SUSD4: variants seen among roughly 807,000 people sequenced by gnomAD.
SUSD4 encodes sushi domain-containing protein 4.
A neutral mutation model predicts 50.5 loss-of-function variants in SUSD4; 41 were observed. The ratio of observed to expected loss-of-function variants is 0.81; its 90% CI spans 0.63 to 1.05. The LOEUF (loss-of-function observed/expected upper bound fraction) is 1.05. Ranked by LOEUF, SUSD4 falls within the 50% of genes least tolerant of loss-of-function variation. SUSD4 has a pLI of 0.00. For synonymous variants in SUSD4, 257 were observed against 257.3 expected (o/e 1.00, Z 0.01); for missense variants, 580 against 634.7 (o/e 0.91, Z 0.93).
rs572745274 is a variant in SUSD4, at chr1:223,336,703, CT to C, written c.148+26574del. On this transcript the variant is annotated intron_variant, in intron 2 of 8. Transcript: ENST00000366878. ...GTGACTGTAACAGAGAGCTTTAATC[CT>C]TTTTTTTTTAAGGGACTTGACAAAA... 2.6e-3 allele frequency among the ~76,000 whole-genome samples: 380 copies of C among 148,164 alleles called. 2 individuals are homozygous for C. The highest frequency in any genetic ancestry group is 0.021 in the Middle Eastern group (6 of 284).
rs372245862 is a variant in SUSD4, at chr1:223,222,160, G to A, written c.*32C>T. The A allele has an allele frequency of 2.0e-5, 33 of 1,610,582 alleles. No homozygotes were observed. In the African/African-American group the frequency reaches 3.3e-4, roughly 16 times the overall value. ...AAGATACAAGGTCCTTTCCCCGAAGGAGCAGGAGAGTCATCTGGATCTTGA... is the reference window on the plus strand; with the variant it reads ...AAGATACAAGGTCCTTTCCCCGAAGAAGCAGGAGAGTCATCTGGATCTTGA... On this transcript the variant is annotated 3_prime_UTR_variant, in exon 9 of 9. Coordinates refer to ENST00000366878, the MANE Select transcript of SUSD4 (RefSeq NM_017982.4).
chr1:223,337,236 T>C (rs1667506144), intron 2 of SUSD4, among the ~76,000 whole-genome samples: 1 of 152,208 alleles, frequency 6.6e-6, no homozygotes. Context: ...AATGCCACCT[T>C]GCAGAGCTCA....
chr1:223,336,140 T>C (rs1185098498), intron 2 of SUSD4, among the ~76,000 whole-genome samples: 2 of 152,124 alleles, frequency 1.3e-5, no homozygotes, highest in African/African-American at 4.8e-5. Flanking sequence ...TTTTAGTAGA[T>C]ACGGGGTTTC....
At chr1:223,324,474 G>A (rs1315334281) in intron 2 of SUSD4, among the ~76,000 whole-genome samples, 2 of 151,658 alleles carry the variant, frequency 1.3e-5, no homozygotes, top group Non-Finnish European at 2.9e-5. Flanking sequence ...ATCCAAAATG[G>A]TTACTTTAAA....
intron 2 of SUSD4, among the ~76,000 whole-genome samples, chr1:223,293,959 C>A (rs1352534226): frequency 6.6e-6 from 1 of 151,994 alleles, no homozygotes; most frequent in African/African-American, 2.4e-5. Context: ...GAAGGCAGAT[C>A]CCTGAAACAA....
intron 2 of SUSD4, among the ~76,000 whole-genome samples, chr1:223,336,777 C>G (rs1441766133): frequency 2.6e-5 from 4 of 152,068 alleles, no homozygotes; most frequent in Non-Finnish European, 5.9e-5. Flanking sequence ...GCTCTTCTGG[C>G]TCCAAATCAA....
intron 2 of SUSD4, among the ~76,000 whole-genome samples, chr1:223,308,471 C>T (rs1002254039): frequency 1.3e-5 from 2 of 152,094 alleles, no homozygotes; most frequent in Non-Finnish European, 1.5e-5. Context: ...CCTGCAGACC[C>T]GTAAGCTAAT....
At chr1:223,264,022 A>G (rs1355391227) in intron 5 of SUSD4, 1 of 985,366 alleles carries the variant, frequency 1.0e-6, no homozygotes, top group East Asian at 1.1e-4. Flanking sequence ...CTTGCCTAGC[A>G]GAAGTGTTTA....
At chr1:223,273,378 G>C (rs1386575125) in intron 3 of SUSD4, among the ~76,000 whole-genome samples, 1 of 152,178 alleles carries the variant, frequency 6.6e-6, no homozygotes, top group East Asian at 1.9e-4. Flanking sequence ...TACAGTAAAG[G>C]ATTAACTTAC....
At chr1:223,293,026 G>A (rs1204256651) in intron 2 of SUSD4, among the ~76,000 whole-genome samples, 3 of 152,210 alleles carry the variant, frequency 2.0e-5, no homozygotes, top group African/African-American at 7.2e-5. Context: ...GCCTGGCCTT[G>A]AGGAAGGGGT....
chr1:223,260,981 G>A (rs1662078732), intron 5 of SUSD4, among the ~76,000 whole-genome samples: 1 of 152,140 alleles, frequency 6.6e-6, no homozygotes, highest in African/African-American at 2.4e-5. Context: ...GAGGTGCCAT[G>A]CGGCAGAGAC....
At chr1:223,298,817 G>A (rs1038050971) in intron 2 of SUSD4, among the ~76,000 whole-genome samples, 2 of 152,172 alleles carry the variant, frequency 1.3e-5, no homozygotes, top group African/African-American at 2.4e-5. Flanking sequence ...TTCTTTCTGC[G>A]CTTATTCCTT....
At chr1:223,304,761 A>G (rs1665413545) in intron 2 of SUSD4, among the ~76,000 whole-genome samples, 1 of 123,278 alleles carries the variant, frequency 8.1e-6, no homozygotes, top group African/African-American at 3.2e-5. Flanking sequence ...AACTCTGGGT[A>G]AGTTCCTTAA....
At chr1:223,255,842 C>T (rs1042940661) in intron 5 of SUSD4, among the ~76,000 whole-genome samples, 12 of 152,200 alleles carry the variant, frequency 7.9e-5, no homozygotes, top group Non-Finnish European at 1.8e-4. Flanking sequence ...GATAAGCCTG[C>T]AGGGAGCTTG....
intron 5 of SUSD4, chr1:223,263,584 G>A: frequency 2.0e-6 from 2 of 985,336 alleles, no homozygotes; most frequent in Non-Finnish European, 2.4e-6. Flanking sequence ...AAACCAATGG[G>A]AAGGGCTGGC....
chr1:223,234,685 T>C (rs1558168106), intron 5 of SUSD4, among the ~76,000 whole-genome samples: 1 of 152,232 alleles, frequency 6.6e-6, no homozygotes, highest in African/African-American at 2.4e-5. Flanking sequence ...AGTTTTATCA[T>C]AGCCTCATGG....
chr1:223,320,890 C>G (rs1461771191), intron 2 of SUSD4, among the ~76,000 whole-genome samples: 1 of 152,200 alleles, frequency 6.6e-6, no homozygotes, highest in Non-Finnish European at 1.5e-5. Context: ...TAAATTGCAC[C>G]TGGCCTTCTG....
rs1482445100 is a variant in SUSD4, at chr1:223,363,333, G to A, written c.93C>T (p.Ala31=). 1.1e-5 allele frequency: 18 copies of A among 1,610,618 alleles called. No individual in the cohort carries two copies. The highest frequency in any genetic ancestry group is 1.4e-5 in the Non-Finnish European group (17 of 1,178,672). The change falls in exon 2 of 9, where the codon GCC becomes GCT. Residue 31 remains alanine (A), a synonymous_variant. Coordinates refer to ENST00000366878, the MANE Select transcript of SUSD4 (RefSeq NM_017982.4). The part of the protein sequence containing the change: ...QQPQSPQRLL[A]VILWFQLALC... The stretch of plus-strand genomic sequence containing the variant: ...GCGCCAGCTGAAACCACAGGATCAC[G>A]GCCAAGAGTCTCTGGGGGGACTGAG...
At chr1:223,278,737 G>A (rs999805377) in intron 3 of SUSD4, among the ~76,000 whole-genome samples, 2 of 152,212 alleles carry the variant, frequency 1.3e-5, no homozygotes, top group Non-Finnish European at 2.9e-5. Context: ...CCAGCACGGA[G>A]TTTGAGATCT....
Sources: allele counts gnomAD v4.1 joint callset (sites outside exome capture counted in the v4.1 genomes callset), GRCh38; gene constraint gnomAD v4.1.1; transcripts MANE v1.5; gene names NCBI Gene and HGNC (gene_info 2026-07-23, HGNC 2026-07-21).